The following TLN2 variants were observed in gnomAD, a reference collection of about 807,000 sequenced individuals.
TLN2 encodes talin-2.
Under a neutral mutation model 294.7 loss-of-function variants are expected in TLN2, and 118 were observed. The ratio of observed to expected loss-of-function variants is 0.40; its 90% CI spans 0.34 to 0.47. The LOEUF is 0.47. Ranked by LOEUF, TLN2 falls within the 20% of genes least tolerant of loss-of-function variation. TLN2 has a pLI of 0.84. For synonymous variants in TLN2, 1,431 were observed against 1,304.5 expected, an observed-to-expected ratio of 1.10 and a Z score of -2.09; for missense variants, 3,083 against 3,282.2, an observed-to-expected ratio of 0.94 and a Z score of 1.48.
At chr15:62,401,173 A>G (rs1417267823) in intron 1 of TLN2, among the ~76,000 whole-genome samples, 3 of 152,176 alleles carry the variant, frequency 2.0e-5, no homozygotes, top group Non-Finnish European at 4.4e-5. Context: ...AGAGATTTGG[A>G]TGAACCAAAG....
At chr15:62,716,279 T>A in intron 22 of TLN2, 52 bp from the exon 23 acceptor site, 1 of 1,489,198 alleles carries the variant, frequency 6.7e-7, no homozygotes, top group Non-Finnish European at 8.9e-7. Context: ...AGGCATGAAT[T>A]CAGTGATGTC....
At chr15:62,832,928 T>G (rs2069028212) in intron 54 of TLN2, 1 of 152,136 alleles carries the variant, frequency 6.6e-6, no homozygotes, top group South Asian at 2.1e-4. Flanking sequence ...TTATTTTGGT[T>G]TCAGTTATTG....
chr15:62,566,985 T>A (rs1249064268), intron 1 of TLN2, among the ~76,000 whole-genome samples: 1 of 152,234 alleles, frequency 6.6e-6, no homozygotes, highest in Admixed American at 6.5e-5. Flanking sequence ...AAAAAATTTG[T>A]ATTTTGACCA....
intron 2 of TLN2, among the ~76,000 whole-genome samples, chr15:62,594,084 G>T (rs188879960): frequency 1.3e-5 from 2 of 152,200 alleles, no homozygotes; most frequent in Non-Finnish European, 2.9e-5. Context: ...CTCAAAATAT[G>T]CTACAAAGTG....
chr15:62,509,734 C>A (rs1221451870), intron 1 of TLN2, among the ~76,000 whole-genome samples: 1 of 152,128 alleles, frequency 6.6e-6, no homozygotes, highest in Non-Finnish European at 1.5e-5. Context: ...CCGTGCGCCT[C>A]CTTTACAGAC....
chr15:62,696,072 AC>A (rs1351266325), intron 14 of TLN2, among the ~76,000 whole-genome samples: 1 of 152,322 alleles, frequency 6.6e-6, no homozygotes, highest in Admixed American at 6.5e-5. Context: ...TCAGAATGCA[AC>A]TGACTTCTTA....
At position 62,755,701 on chromosome 15, in the gene TLN2, G is replaced by A. The variant is rs527494324; in HGVS notation, c.4638+8G>A. The A allele has an allele frequency of 1.7e-5, 28 of 1,614,020 alleles. 1 individual carries two copies. The highest frequency in any genetic ancestry group is 1.3e-4 in the East Asian group (6 of 44,886). Reference sequence around the variant, plus strand: ...CTGGTGAAGACCATCAAGGTAGGTCGCTGGACTACCGGCCTTATTGAACTC... The same window carrying A: ...CTGGTGAAGACCATCAAGGTAGGTCACTGGACTACCGGCCTTATTGAACTC... On this transcript the variant is annotated splice_region_variant and intron_variant, in intron 37 of 58. Transcript: ENST00000636159.
intron 28 of TLN2, chr15:62,734,002 C>T (rs1272209626): frequency 6.6e-6 from 1 of 152,172 alleles, no homozygotes; most frequent in Non-Finnish European, 1.5e-5. Flanking sequence ...CTCTCGTGGC[C>T]TTCTTTCGTC....
At chr15:62,712,694 A>T (rs2059499240) in intron 22 of TLN2, among the ~76,000 whole-genome samples, 1 of 152,130 alleles carries the variant, frequency 6.6e-6, no homozygotes, top group East Asian at 1.9e-4. Context: ...ATCCCCAAAG[A>T]TCCTGATTCA....
At chr15:62,698,627 G>C in intron 15 of TLN2, 127 bp from the exon 16 acceptor site, 1 of 674,560 alleles carries the variant, frequency 1.5e-6, no homozygotes, top group East Asian at 2.7e-5. Flanking sequence ...TGGTTGAGGC[G>C]CTTGTTGAGA....
At chr15:62,636,745 T>C (rs1395793985) in intron 3 of TLN2, among the ~76,000 whole-genome samples, 1 of 152,198 alleles carries the variant, frequency 6.6e-6, no homozygotes, top group Non-Finnish European at 1.5e-5. Context: ...AACATGGTAA[T>C]ATAGGTTTGC....
intron 2 of TLN2, among the ~76,000 whole-genome samples, chr15:62,598,446 A>G (rs866101070): frequency 3.2e-4 from 48 of 152,196 alleles, no homozygotes; most frequent in African/African-American, 1.1e-3. Context: ...CCTTATGGCC[A>G]GGAGCTCATT....
intron 53 of TLN2, among the ~76,000 whole-genome samples, chr15:62,820,079 G>A (rs1596117101): frequency 6.6e-6 from 1 of 152,220 alleles, no homozygotes; most frequent in African/African-American, 2.4e-5. Flanking sequence ...GAATTAAGGT[G>A]AGGGGTCAGT....
intron 3 of TLN2, chr15:62,640,185 C>T (rs892905829): frequency 4.4e-6 from 2 of 456,012 alleles, no homozygotes; most frequent in Middle Eastern, 3.3e-4. Context: ...TTCTCTTCCT[C>T]TCTTGTAGAA....
At chr15:62,504,690 G>C (rs1367069481) in intron 1 of TLN2, among the ~76,000 whole-genome samples, 1 of 152,178 alleles carries the variant, frequency 6.6e-6, no homozygotes, top group Non-Finnish European at 1.5e-5. Context: ...ATGGATCGTA[G>C]ACTTTAAGTA....
At chr15:62,749,653 G>A in intron 33 of TLN2, among the ~76,000 whole-genome samples, 1 of 151,976 alleles carries the variant, frequency 6.6e-6, no homozygotes, top group Admixed American at 6.5e-5. Context: ...CTGTCTTTTT[G>A]TTGGCTGTGT....
At chr15:62,445,284 G>A (rs991470628) in intron 1 of TLN2, among the ~76,000 whole-genome samples, 3 of 152,190 alleles carry the variant, frequency 2.0e-5, no homozygotes, top group Non-Finnish European at 4.4e-5. Flanking sequence ...CACCTTTGGA[G>A]GTCTTGAATC....
chr15:62,727,171 G>A lies in TLN2; in HGVS notation c.3340G>A (p.Gly1114Ser), dbSNP rs200571535. Residue 1114 changes from glycine (G) to serine (S), a missense_variant, in exon 28 of 59, where the codon GGC (glycine) becomes AGC (serine). Coordinates refer to ENST00000636159, the MANE Select transcript of TLN2 (RefSeq NM_015059.3). ...ACAGCTGCTGACCTGTGCTGCTCAA[G>A]GCAACGAACACTACACAGGTGAGAC... Reference protein sequence around the residue: ...MAQLLTCAAQGNEHYTGVAAR... With the variant: ...MAQLLTCAAQSNEHYTGVAAR... 1.2e-5 allele frequency: 20 copies of A among 1,614,206 alleles called. 1 individual carries two copies. The East Asian group carries it at 2.7e-4, about 22-fold the overall frequency.
chr15:62,797,400 C>G lies in TLN2; in HGVS notation c.6232C>G (p.Gln2078Glu). ...ASLGSDDPET[Q>E]VVLINAIKDV... ...CCTGGGCTCCGACGACCCCGAGACC[C>G]AGGTACCAGCAGGGCCTGGGGAGTG... The change falls in exon 48 of 59, where the codon CAG (glutamine) becomes GAG (glutamate). Residue 2078 changes from glutamine to glutamate, a missense_variant and splice_region_variant. By Grantham distance (29) the Gln-to-Glu change is conservative (BLOSUM62 2). Transcript: ENST00000636159. The G allele has an allele frequency of 1.9e-6, 3 of 1,598,486 alleles. No individual in the cohort carries two copies. Among genetic ancestry groups the G allele is most frequent in the Non-Finnish European group, 2.6e-6 (3 of 1,174,866 alleles).
Sources: allele counts gnomAD v4.1 joint callset (sites outside exome capture counted in the v4.1 genomes callset), GRCh38; gene constraint gnomAD v4.1.1; transcripts MANE v1.5; gene names NCBI Gene and HGNC (gene_info 2026-07-23, HGNC 2026-07-21).